Variants in HLCS observed in about 807,000 individuals in gnomAD.
HLCS encodes the protein biotin--protein ligase.
In HLCS, 53 loss-of-function variants were observed where a neutral mutation model predicts 75.0. The ratio of observed to expected loss-of-function variants is 0.71; its 90% confidence interval spans 0.57 to 0.89. HLCS has a LOEUF of 0.89. Ranked by LOEUF, HLCS falls within the 40% of genes least tolerant of loss-of-function variation. The probability of loss-of-function intolerance (pLI) is 0.00; values close to 1 mark genes in which losing one functional copy is unlikely to be tolerated. For synonymous variants in HLCS, 431 were observed against 428.6 expected, an observed-to-expected ratio of 1.01 and a Z score of -0.07; for missense variants, 966 against 1,074.0, an observed-to-expected ratio of 0.90 and a Z score of 1.41.
At chr21:36,853,351 G>T (rs1157197665) in intron 6 of HLCS, among the ~76,000 whole-genome samples, 2 of 152,188 alleles carry the variant, frequency 1.3e-5, no homozygotes, top group East Asian at 1.9e-4. Flanking sequence ...CTCCCTGGGT[G>T]TAACTATGGA....
chr21:36,915,831 G>C (rs2065904849), intron 5 of HLCS, among the ~76,000 whole-genome samples: 1 of 151,920 alleles, frequency 6.6e-6, no homozygotes, highest in Non-Finnish European at 1.5e-5. Context: ...TACAGAGCTG[G>C]ACTGTGCGGG....
rs550927967 is a variant in HLCS at position 36,749,322 on chromosome 21, C to A, written c.*4924G>T. ...ACACTGCAGCATTTTGCTGCTTTATCAAAATGGTTTATTTTAGGAAACTTT... is the reference window on the plus strand; with the variant it reads ...ACACTGCAGCATTTTGCTGCTTTATAAAAATGGTTTATTTTAGGAAACTTT... On this transcript the variant is annotated 3_prime_UTR_variant, in exon 11 of 11. Coordinates refer to ENST00000674895, the MANE Select transcript of HLCS (RefSeq NM_001352514.2). 3 of 152,530 alleles carry A rather than the reference C, an allele frequency of 2.0e-5. No individual in the cohort carries two copies. Among genetic ancestry groups the A allele is most frequent in the Non-Finnish European group, 2.9e-5 (2 of 68,024 alleles). The allele number at this position is 152,530 out of a possible 1,614,324, so 9.4% of individuals were successfully genotyped here. A position where few individuals can be genotyped will look rare whatever the true frequency, so the allele number is the denominator to read the frequency against.
intron 1 of HLCS, among the ~76,000 whole-genome samples, chr21:36,963,359 GT>G (rs1221327841): frequency 6.6e-6 from 1 of 152,192 alleles, no homozygotes; most frequent in Non-Finnish European, 1.5e-5. Flanking sequence ...CTGCATATCA[GT>G]TCAAATCTGC....
Position 36,842,612 on chromosome 21 carries a change from G to A in HLCS, c.1892+54248C>T, listed in dbSNP as rs978521766. On this transcript the variant is annotated intron_variant, in intron 6 of 10. Coordinates refer to ENST00000674895, the MANE Select transcript of HLCS (RefSeq NM_001352514.2). The surrounding 1 kb of genome is among the most constrained non-coding windows in gnomAD (Gnocchi z 4.2). ...AAAGAAGTTGGCTGGGTGTGGTGAC[G>A]CACGCCTGTAATGCCAGCTACTTGG... Among the ~76,000 whole-genome samples, 4 of 152,128 alleles carry A rather than the reference G, an allele frequency of 2.6e-5. No individual in the cohort carries two copies. In the East Asian group the frequency reaches 5.8e-4, roughly 22 times the overall value.
intron 6 of HLCS, among the ~76,000 whole-genome samples, chr21:36,863,839 T>A (rs202247243): frequency 0.12 from 1 of 8 alleles, no homozygotes; most frequent in South Asian, 0.5. Flanking sequence ...TGCTGTGGTG[T>A]TGGAACTCAG....
chr21:36,918,879 C>T (rs2066042466), intron 5 of HLCS, among the ~76,000 whole-genome samples: 1 of 152,314 alleles, frequency 6.6e-6, no homozygotes, highest in South Asian at 2.1e-4. Flanking sequence ...ACAGGACCAA[C>T]GTGCTCATCA....
At chr21:36,908,927 G>GCT (rs1451984068) in intron 5 of HLCS, among the ~76,000 whole-genome samples, 3 of 152,184 alleles carry the variant, frequency 2.0e-5, no homozygotes, top group African/African-American at 7.2e-5. Flanking sequence ...AAAGGCAGTG[G>GCT]CTCACGCCTG....
chr21:36,841,010 A>T (rs1339388677), intron 6 of HLCS, among the ~76,000 whole-genome samples: 1 of 152,176 alleles, frequency 6.6e-6, no homozygotes, highest in Non-Finnish European at 1.5e-5. Flanking sequence ...CAATATAAAG[A>T]TGAAACTGTT....
intron 1 of HLCS, among the ~76,000 whole-genome samples, chr21:36,984,858 T>C (rs978841565): frequency 6.7e-6 from 1 of 149,644 alleles, no homozygotes; most frequent in Non-Finnish European, 1.5e-5. Context: ...TTCCATTTTA[T>C]ATTTTCTTTT....
At chr21:36,876,235 A>G (rs1356627830) in intron 6 of HLCS, among the ~76,000 whole-genome samples, 1 of 152,198 alleles carries the variant, frequency 6.6e-6, no homozygotes, top group Non-Finnish European at 1.5e-5. Flanking sequence ...TGAGCCCAGC[A>G]GGCCCGAACA....
chr21:36,870,034 A>T (rs1460229414), intron 6 of HLCS, among the ~76,000 whole-genome samples: 1 of 152,196 alleles, frequency 6.6e-6, no homozygotes. Flanking sequence ...AGAATCTGAG[A>T]AGTTGTTTGC....
At chr21:36,803,249 T>A (rs2061261673) in intron 6 of HLCS, among the ~76,000 whole-genome samples, 1 of 152,196 alleles carries the variant, frequency 6.6e-6, no homozygotes, top group Non-Finnish European at 1.5e-5. Flanking sequence ...CATGGCACAG[T>A]CTCAGCTGAG....
chr21:36,949,755 T>C (rs971462903), intron 2 of HLCS, among the ~76,000 whole-genome samples: 7 of 152,100 alleles, frequency 4.6e-5, no homozygotes, highest in Non-Finnish European at 1.0e-4. Context: ...ACAAGAGAGA[T>C]GTAGAGAGCA....
chr21:36,963,752 C>CAAA (rs1206146032), intron 1 of HLCS, among the ~76,000 whole-genome samples: 1 of 150,234 alleles, frequency 6.7e-6, no homozygotes, highest in Non-Finnish European at 1.5e-5. Flanking sequence ...AACTCCATCT[C>CAAA]AAAAAAAAAG....
At chr21:36,960,954 G>A (rs1351345180) in intron 2 of HLCS, among the ~76,000 whole-genome samples, 4 of 152,166 alleles carry the variant, frequency 2.6e-5, no homozygotes, top group Non-Finnish European at 5.9e-5. Flanking sequence ...CATGAGACAG[G>A]GTATTTTCAC....
At chr21:36,756,473 AAAAAAG>A in intron 10 of HLCS, 63 bp downstream of exon 10, 1 of 728,540 alleles carries the variant, frequency 1.4e-6, no homozygotes, top group Admixed American at 2.6e-5. Flanking sequence ...AAAAAAAAAA[AAAAAAG>A]ATACAGAACT....
At chr21:36,858,756 GA>G (rs2063286275) in intron 6 of HLCS, among the ~76,000 whole-genome samples, 2 of 152,242 alleles carry the variant, frequency 1.3e-5, no homozygotes, top group South Asian at 4.1e-4. Context: ...ATCTGCAGGA[GA>G]CAGGGAGCAG....
Position 36,896,957 on chromosome 21 carries a change from T to G in HLCS, c.1795A>C (p.Asn599His), listed in dbSNP as rs371624731. ...AGATTTTGGCGATAGATCTCTAAGT[T>G]GAAATGTTCTGATGAGAAGGCCTCC... ...NMEAFSSEHF[N>H]LEIYRQNLQT... Residue 599 changes from asparagine to histidine, a missense_variant, in exon 6 of 11, where the codon AAC becomes CAC. Physicochemically the swap from Asn to His is moderately conservative, Grantham distance 68. Transcript: ENST00000674895. The G allele has an allele frequency of 2.5e-6, 4 of 1,614,100 alleles. No individual in the cohort carries two copies. The highest frequency in any genetic ancestry group is 3.4e-6 in the Non-Finnish European group (4 of 1,180,010).
intron 6 of HLCS, among the ~76,000 whole-genome samples, chr21:36,781,780 T>G (rs1327636844): frequency 6.6e-6 from 1 of 152,176 alleles, no homozygotes; most frequent in Non-Finnish European, 1.5e-5. Context: ...CTCCTTGCCA[T>G]GTTTCTTAGT....
Sources: gnomAD v4.1 joint callset for allele counts (sites outside exome capture counted in the v4.1 genomes callset) on GRCh38, gnomAD v4.1.1 for gene constraint, Gnocchi (gnomAD v3.1) non-coding constraint, MANE v1.5 for transcripts, NCBI Gene and HGNC (gene_info 2026-07-23, HGNC 2026-07-21) for gene names.